Variants in SEMA3B observed in about 807,000 individuals in gnomAD.
The protein encoded by SEMA3B is semaphorin-3B.
Under a neutral mutation model 77.8 loss-of-function variants are expected in SEMA3B, and 71 were observed. That is an observed-to-expected ratio of 0.91 (90% confidence interval 0.75 to 1.11). The LOEUF (loss-of-function observed/expected upper bound fraction) is 1.11. SEMA3B is among the 50% of genes most tolerant of loss of function. The pLI is 0.00. For missense variants in SEMA3B, 968 were observed against 1,056.8 expected (o/e 0.92, Z 1.17); for synonymous variants, 470 against 452.9 (o/e 1.04, Z -0.48).
Position 50,274,470 on chromosome 3 carries a change from T to TG in SEMA3B, c.1251dup (p.Arg418AlafsTer25). The TG allele has an allele frequency of 4.5e-6, 7 of 1,550,328 alleles. No homozygotes were observed. Among genetic ancestry groups the TG allele is most frequent in the Non-Finnish European group, 5.2e-6 (6 of 1,150,950 alleles). On this transcript the variant is annotated frameshift_variant, in exon 11 of 17. Transcript: ENST00000616701. LOFTEE classifies it high-confidence loss of function. This position sits in a 1 kb window ranked among gnomAD's most constrained non-coding sequence, Gnocchi z 4.7. Reference sequence around the variant, plus strand: ...TCATGTACAACTCTGTCCTGCCCACTGGGGGGCGCCCTCTTTTCCTACAAG... The same window carrying TG: ...TCATGTACAACTCTGTCCTGCCCACTGGGGGGGCGCCCTCTTTTCCTACAAG...
At chr3:50,272,208 G>C (rs1472202083) in intron 6 of SEMA3B, among the ~76,000 whole-genome samples, 2 of 152,160 alleles carry the variant, frequency 1.3e-5, no homozygotes, top group Non-Finnish European at 2.9e-5. Flanking sequence ...GGAGTTGGAG[G>C]CTGCAGTGAG....
chr3:50,271,380 G>A lies in SEMA3B; in HGVS notation c.564G>A (p.Gly188=). 6.3e-7 allele frequency: 1 copy of A among 1,584,728 alleles called. No homozygotes were observed. The highest frequency in any genetic ancestry group is 8.6e-7 in the Non-Finnish European group (1 of 1,165,562). The stretch of plus-strand genomic sequence containing the variant: ...CTGCAGGGGAGGAGCTATACTCAGG[G>A]GTGGCAGCAGACCTCATGGGACGAG... ...SVLVGEELYS[G]VAADLMGRDF... Residue 188 remains glycine (G), a synonymous_variant, in exon 6 of 17, where the codon GGG becomes GGA. Transcript: ENST00000616701.
rs782735550 is a variant in SEMA3B at position 50,273,391 on chromosome 3, C to A, written c.758C>A (p.Ala253Glu). The change falls in exon 7 of 17, where the codon GCG becomes GAG. Residue 253 changes from alanine to glutamate, a missense_variant. Physicochemically the swap from Ala to Glu is moderately radical, Grantham distance 107. Coordinates refer to ENST00000616701, the MANE Select transcript of SEMA3B (RefSeq NM_001290060.2). The surrounding 1 kb of genome is among the most constrained non-coding windows in gnomAD (Gnocchi z 6.5). ...TTCTTTCGTGAGACGGCGGTAGAGG[C>A]GGCGCCGGCACTGGGACGCCTGTCC... The part of the protein sequence containing the change: ...YFFFRETAVE[A>E]APALGRLSVS... 3.1e-6 allele frequency: 5 copies of A among 1,613,882 alleles called. No homozygotes were observed. In the South Asian group the frequency reaches 4.4e-5, roughly 14 times the overall value.
chr3:50,276,605 C>A lies in SEMA3B; in HGVS notation c.2149C>A (p.Gln717Lys). The A allele has an allele frequency of 6.3e-7, 1 of 1,584,478 alleles. No individual in the cohort carries two copies. Among genetic ancestry groups the A allele is most frequent in the Non-Finnish European group, 8.5e-7 (1 of 1,170,992 alleles). ...CATGTGCCGCCCGCAGCCTGCGCTGCAGTCACTGCCCCTGGAGTCGCGGAG... is the reference window on the plus strand; with the variant it reads ...CATGTGCCGCCCGCAGCCTGCGCTGAAGTCACTGCCCCTGGAGTCGCGGAG... ...LRMCRPQPALQSLPLESRRKG... is the reference protein window; with the variant it reads ...LRMCRPQPALKSLPLESRRKG... Residue 717 changes from glutamine (Q) to lysine (K), a missense_variant, in exon 17 of 17, where the codon CAG becomes AAG. Transcript: ENST00000616701. The surrounding 1 kb of genome is among the most constrained non-coding windows in gnomAD (Gnocchi z 5.8).
At chr3:50,271,064 G>A (rs1701034150) in intron 4 of SEMA3B, 24 bp from the exon 5 acceptor site, 1 of 1,576,386 alleles carries the variant, frequency 6.3e-7, no homozygotes, top group Non-Finnish European at 8.6e-7. Context: ...GGGCCTGGTA[G>A]TCACAACTTG....
Position 50,274,207 on chromosome 3 carries a change from T to TTGCC in SEMA3B, c.1137+150_1137+151insTGCC. 1 of 1,342,238 alleles carries TTGCC rather than the reference T, an allele frequency of 7.5e-7. No homozygotes were observed. The highest frequency in any genetic ancestry group is 1.0e-6 in the Non-Finnish European group (1 of 980,244). 83.1% of individuals were successfully genotyped at this position (1,342,238 alleles called of 1,614,324 possible). On this transcript the variant is annotated intron_variant, in intron 10 of 16. Coordinates refer to ENST00000616701, the MANE Select transcript of SEMA3B (RefSeq NM_001290060.2). The surrounding 1 kb of genome is among the most constrained non-coding windows in gnomAD (Gnocchi z 4.7). ...CATAAGACAAGGCTTGTTTCCCGCC[T>TTGCC]CTGACTTCCTAGGGCAAGGCTGATC...
Position 50,274,289 on chromosome 3 carries a change from G to A in SEMA3B, c.1138-74G>A. 1 of 1,271,954 alleles carries A rather than the reference G, an allele frequency of 7.9e-7. No individual in the cohort carries two copies. The highest frequency in any genetic ancestry group is 2.5e-5 in the Admixed American group (1 of 39,974). The allele number at this position is 1,271,954 out of a possible 1,614,324, so 78.8% of individuals were successfully genotyped here. ...CCCATCCCCCTCCATGTTCCCAGAG[G>A]CTGGGCATGGAGGGCTGCCTATCAA... On this transcript the variant is annotated intron_variant, in intron 10 of 16. Transcript: ENST00000616701. The surrounding 1 kb of genome is among the most constrained non-coding windows in gnomAD (Gnocchi z 4.7).
chr3:50,264,366 G>A (rs1306682569), upstream of SEMA3B, among the ~76,000 whole-genome samples: 4 of 152,210 alleles, frequency 2.6e-5, no homozygotes, highest in Non-Finnish European at 5.9e-5. Flanking sequence ...TGCCCAAGAT[G>A]CCCAGAGCTA....
In SEMA3B at chr3:50,275,611, C is replaced by T; in HGVS notation, c.1701C>T (p.Ser567=). ...ATGGCGACCCCAGCACGTTGTGCTC[C>T]GGAGGTGAGTGCCCCAGCTGCCCCT... The part of the protein sequence containing the change: ...VRNGDPSTLC[S]GDSSRPALLE... Residue 567 remains serine (S), a synonymous_variant, in exon 15 of 17, where the codon TCC becomes TCT. Coordinates refer to ENST00000616701, the MANE Select transcript of SEMA3B (RefSeq NM_001290060.2). The surrounding 1 kb of genome is among the most constrained non-coding windows in gnomAD (Gnocchi z 7.5). 6.2e-7 allele frequency: 1 copy of T among 1,613,702 alleles called. No homozygotes were observed. Among genetic ancestry groups the T allele is most frequent in the South Asian group, 1.1e-5 (1 of 91,088 alleles).
At chr3:50,263,692 G>A (rs1700860256), upstream of SEMA3B, among the ~76,000 whole-genome samples, 1 of 151,904 alleles carries the variant, frequency 6.6e-6, no homozygotes, top group African/African-American at 2.4e-5. Flanking sequence ...GGAGGGTAAA[G>A]GGGTCAGTGC....
Position 50,275,906 on chromosome 3 carries a change from C to A in SEMA3B, c.1845+62C>A. 1.3e-6 allele frequency: 2 copies of A among 1,507,924 alleles called. No individual in the cohort carries two copies. The highest frequency in any genetic ancestry group is 8.8e-7 in the Non-Finnish European group (1 of 1,134,602). 93.4% of individuals were successfully genotyped at this position (1,507,924 alleles called of 1,614,324 possible). A position where few individuals can be genotyped will look rare whatever the true frequency, so the allele number is the denominator to read the frequency against. On this transcript the variant is annotated intron_variant, in intron 16 of 16. Transcript: ENST00000616701. This position sits in a 1 kb window ranked among gnomAD's most constrained non-coding sequence, Gnocchi z 7.5. The stretch of plus-strand genomic sequence containing the variant: ...CCCACCCCCTGCATCCAGGAGAGGC[C>A]CCGCCCTACCCAACGAAGCCCCGTC...
chr3:50,270,038 A>T lies in SEMA3B; in HGVS notation c.110-89A>T. On this transcript the variant is annotated intron_variant, in intron 1 of 16. Coordinates refer to ENST00000616701, the MANE Select transcript of SEMA3B (RefSeq NM_001290060.2). This position sits in a 1 kb window ranked among gnomAD's most constrained non-coding sequence, Gnocchi z 4.7. ...TGTGTACAGGCCAGGTCCTAATGGC[A>T]ACCTTGGCCGATAGAGTCACCACCA... 3.6e-6 allele frequency: 5 copies of T among 1,389,764 alleles called. No homozygotes were observed. The highest frequency in any genetic ancestry group is 2.9e-6 in the Non-Finnish European group (3 of 1,052,090). The allele number at this position is 1,389,764 out of a possible 1,614,324, so 86.1% of individuals were successfully genotyped here.
chr3:50,274,748 C>T lies in SEMA3B; in HGVS notation c.1358-95C>T. 6.8e-7 allele frequency: 1 copy of T among 1,465,926 alleles called. No homozygotes were observed. The highest frequency in any genetic ancestry group is 9.4e-7 in the Non-Finnish European group (1 of 1,069,408). The allele number at this position is 1,465,926 out of a possible 1,614,324, so 90.8% of individuals were successfully genotyped here. A position where few individuals can be genotyped will look rare whatever the true frequency, so the allele number is the denominator to read the frequency against. On this transcript the variant is annotated intron_variant, in intron 11 of 16. Coordinates refer to ENST00000616701, the MANE Select transcript of SEMA3B (RefSeq NM_001290060.2). The surrounding 1 kb of genome is among the most constrained non-coding windows in gnomAD (Gnocchi z 4.7). ...CTTCCAGTCCACACTCTTCACAACC[C>T]AAACATGCTGAGGGTAGACGCCTCA... is the stretch of plus-strand genomic sequence containing the variant.
At chr3:50,272,196 C>T (rs1701071380) in intron 6 of SEMA3B, among the ~76,000 whole-genome samples, 1 of 152,100 alleles carries the variant, frequency 6.6e-6, no homozygotes, top group Non-Finnish European at 1.5e-5. Flanking sequence ...CACTTGAGCC[C>T]AGGAGTTGGA....
chr3:50,276,105 A>T lies in SEMA3B; in HGVS notation c.1846-197A>T. On this transcript the variant is annotated intron_variant, in intron 16 of 16. Coordinates refer to ENST00000616701, the MANE Select transcript of SEMA3B (RefSeq NM_001290060.2). The surrounding 1 kb of genome is among the most constrained non-coding windows in gnomAD (Gnocchi z 5.8). The stretch of plus-strand genomic sequence containing the variant: ...TGACCACCCCCCACCAAGTTCATGT[A>T]AACCCCGCCTCTTTCGGATTCTCCC... 1 of 781,380 alleles carries T rather than the reference A, an allele frequency of 1.3e-6. No homozygotes were observed. The highest frequency in any genetic ancestry group is 1.9e-6 in the Non-Finnish European group (1 of 531,678). 48.4% of individuals were successfully genotyped at this position (781,380 alleles called of 1,614,324 possible). A position where few individuals can be genotyped will look rare whatever the true frequency, so the allele number is the denominator to read the frequency against.
chr3:50,264,135 G>A (rs1247711304), upstream of SEMA3B, among the ~76,000 whole-genome samples: 1 of 152,032 alleles, frequency 6.6e-6, no homozygotes, highest in Non-Finnish European at 1.5e-5. Flanking sequence ...ACTTGAGCTC[G>A]GCAGGTTGAG....
In SEMA3B at chr3:50,274,610, G is replaced by A. The variant is rs1178607236; in HGVS notation, c.1357+28G>A. On this transcript the variant is annotated intron_variant, in intron 11 of 16. Transcript: ENST00000616701. The surrounding 1 kb of genome is among the most constrained non-coding windows in gnomAD (Gnocchi z 4.7). ...CAGGGTCCCTCCACAGCGACCCCCA[G>A]GCTCCCAGCCAGGCCCTGTGGGCTG... 17 of 1,514,032 alleles carry A rather than the reference G, an allele frequency of 1.1e-5. No individual in the cohort carries two copies. Among genetic ancestry groups the A allele is most frequent in the Non-Finnish European group, 1.5e-5 (17 of 1,129,480 alleles). The allele number at this position is 1,514,032 out of a possible 1,614,324, so 93.8% of individuals were successfully genotyped here. A position where few individuals can be genotyped will look rare whatever the true frequency, so the allele number is the denominator to read the frequency against.
Position 50,270,527 on chromosome 3 carries a change from G to A in SEMA3B, c.330+32G>A, listed in dbSNP as rs1553705183. ...GCCAGCTGCCCGGGCCGGGAGTGGG[G>A]AGGGTCAGCCCCTCACCCCAGAGAC... is the stretch of plus-strand genomic sequence containing the variant. On this transcript the variant is annotated intron_variant, in intron 3 of 16. Coordinates refer to ENST00000616701, the MANE Select transcript of SEMA3B (RefSeq NM_001290060.2). The surrounding 1 kb of genome is among the most constrained non-coding windows in gnomAD (Gnocchi z 4.7). The A allele has an allele frequency of 1.2e-6, 2 of 1,613,016 alleles. No individual in the cohort carries two copies. The highest frequency in any genetic ancestry group is 3.3e-5 in the Admixed American group (2 of 60,000).
chr3:50,270,662 T>G lies in SEMA3B; in HGVS notation c.330+167T>G. 8.8e-7 allele frequency: 1 copy of G among 1,139,174 alleles called. No homozygotes were observed. Among genetic ancestry groups the G allele is most frequent in the Non-Finnish European group, 1.2e-6 (1 of 814,322 alleles). The allele number at this position is 1,139,174 out of a possible 1,614,324, so 70.6% of individuals were successfully genotyped here. On this transcript the variant is annotated intron_variant, in intron 3 of 16. Transcript: ENST00000616701. The surrounding 1 kb of genome is among the most constrained non-coding windows in gnomAD (Gnocchi z 4.7). Reference sequence around the variant, plus strand: ...GTCAGGGTGGGGGCTCGTGTAATTCTTCTGGGGTGCCTCTGAGTCATGGGA... The same window carrying G: ...GTCAGGGTGGGGGCTCGTGTAATTCGTCTGGGGTGCCTCTGAGTCATGGGA...
Sources: allele counts gnomAD v4.1 joint callset (sites outside exome capture counted in the v4.1 genomes callset), GRCh38; gene constraint gnomAD v4.1.1; non-coding constraint Gnocchi (gnomAD v3.1); transcripts MANE v1.5; gene names NCBI Gene and HGNC (gene_info 2026-07-23, HGNC 2026-07-21).